The following CLASP1 variants were observed in gnomAD, a reference collection of about 807,000 sequenced individuals.
CLASP1 encodes the protein CLIP-associating protein 1.
A neutral mutation model predicts 192.3 loss-of-function variants in CLASP1; 38 were observed. That is an observed-to-expected ratio of 0.20 (90% CI 0.15 to 0.26). The LOEUF is 0.26. Among genes scored for constraint, CLASP1 ranks in the 10% least tolerant of loss-of-function variants. The pLI is 1.00. For missense variants in CLASP1, 1,433 were observed against 1,932.5 expected (o/e 0.74, Z 4.85); for synonymous variants, 691 against 712.8 (o/e 0.97, Z 0.49).
chr2:121,493,621 G>A (rs1018161271), intron 8 of CLASP1, among the ~76,000 whole-genome samples: 2 of 151,840 alleles, frequency 1.3e-5, no homozygotes, highest in Non-Finnish European at 2.9e-5. Context: ...ACAAGTATGG[G>A]CAACCAAAGC....
At chr2:121,477,732 A>C (rs1051156214) in intron 8 of CLASP1, among the ~76,000 whole-genome samples, 3 of 151,732 alleles carry the variant, frequency 2.0e-5, no homozygotes, top group African/African-American at 4.9e-5. Context: ...TTGATATTGA[A>C]TTGTTTTCAA....
intron 2 of CLASP1, among the ~76,000 whole-genome samples, chr2:121,535,140 G>A (rs571429250): frequency 1.1e-4 from 17 of 152,268 alleles, no homozygotes; most frequent in African/African-American, 1.9e-4. Context: ...TTAGCTGGGC[G>A]TGGTGGCATG....
intron 2 of CLASP1, among the ~76,000 whole-genome samples, chr2:121,531,289 T>C (rs1486356139): frequency 6.6e-6 from 1 of 152,184 alleles, no homozygotes; most frequent in Non-Finnish European, 1.5e-5. Context: ...AGTAGGTCTT[T>C]GCACCTCACA....
In CLASP1 at chr2:121,469,750, T is replaced by C. The variant is rs1042613269; in HGVS notation, c.865+58A>G. 5.2e-6 allele frequency: 8 copies of C among 1,539,928 alleles called. No individual in the cohort carries two copies. In the South Asian group the frequency reaches 1.0e-4, roughly 20 times the overall value. On this transcript the variant is annotated intron_variant, in intron 9 of 39. Coordinates refer to ENST00000263710, the Ensembl canonical transcript of CLASP1. ...GCCACCACAGGCAAGTACGTGCACC[T>C]CTGGTTTGAAAAGCTGGCATAGCTG...
intron 7 of CLASP1, among the ~76,000 whole-genome samples, chr2:121,508,562 G>A (rs554019952): frequency 6.6e-6 from 1 of 152,248 alleles, no homozygotes; most frequent in South Asian, 2.1e-4. Context: ...AAAAAAGTCA[G>A]ACTGCATAAA....
At chr2:121,359,793 T>G (rs1311546965) in intron 37 of CLASP1, among the ~76,000 whole-genome samples, 1 of 152,230 alleles carries the variant, frequency 6.6e-6, no homozygotes, top group Non-Finnish European at 1.5e-5. Context: ...ATAAAAACTC[T>G]AAATTGGTGT....
chr2:121,647,585 A>T (rs1164938753), intron 1 of CLASP1, among the ~76,000 whole-genome samples: 1 of 152,150 alleles, frequency 6.6e-6, no homozygotes, highest in Non-Finnish European at 1.5e-5. Flanking sequence ...ATAATACACC[A>T]GGCTTCAGAG....
At chr2:121,617,042 T>A (rs972052136) in intron 1 of CLASP1, among the ~76,000 whole-genome samples, 3 of 152,184 alleles carry the variant, frequency 2.0e-5, no homozygotes, top group African/African-American at 7.2e-5. Context: ...AACTCAGTAA[T>A]GCTTCAACTG....
chr2:121,515,640 A>C, intron 7 of CLASP1, 25 bp downstream of exon 7: 1 of 1,597,036 alleles, frequency 6.3e-7, no homozygotes, highest in South Asian at 1.1e-5. Flanking sequence ...GGTAGAGCAG[A>C]AGAAAGGAAA....
chr2:121,620,353 A>G (rs72956507), intron 1 of CLASP1, among the ~76,000 whole-genome samples: 36,291 of 151,880 alleles, frequency 0.24, 6,577 homozygotes, highest in African/African-American at 0.5. Context: ...TAAGGATACT[A>G]AGCTTCTTTT....
intron 2 of CLASP1, among the ~76,000 whole-genome samples, chr2:121,598,954 C>T (rs1289284946): frequency 6.6e-6 from 1 of 152,158 alleles, no homozygotes; most frequent in Non-Finnish European, 1.5e-5. Context: ...CAAACTCTGC[C>T]TCCCAGGTTC....
chr2:121,579,089 C>A lies in CLASP1; in HGVS notation c.195+26612G>T, dbSNP rs555664657. Reference sequence around the variant, plus strand: ...TTTGAAAATACAGTATTATCCATGTCCTTAGACCGTCACATCATAACAACA... The same window carrying A: ...TTTGAAAATACAGTATTATCCATGTACTTAGACCGTCACATCATAACAACA... On this transcript the variant is annotated intron_variant, in intron 2 of 39. Coordinates refer to ENST00000263710, the Ensembl canonical transcript of CLASP1. Among the ~76,000 whole-genome samples, 15 of 152,286 alleles carry A rather than the reference C, an allele frequency of 9.8e-5. 1 individual carries two copies. Among genetic ancestry groups the A allele is most frequent in the African/African-American group, 3.4e-4 (14 of 41,566 alleles).
chr2:121,561,982 T>C (rs1053834231), intron 2 of CLASP1, among the ~76,000 whole-genome samples: 11 of 152,250 alleles, frequency 7.2e-5, no homozygotes, highest in African/African-American at 2.4e-4. Context: ...GGCTCAAAAC[T>C]ACATTATGTT....
chr2:121,640,199 G>A (rs1365840043), intron 1 of CLASP1, among the ~76,000 whole-genome samples: 5 of 149,552 alleles, frequency 3.3e-5, no homozygotes, highest in Admixed American at 6.7e-5. Flanking sequence ...GGTGGGGAAC[G>A]TCACACACTA....
chr2:121,448,763 G>A (rs1219437138), intron 17 of CLASP1, among the ~76,000 whole-genome samples, 190 bp downstream of exon 17: 2 of 152,120 alleles, frequency 1.3e-5, no homozygotes, highest in Non-Finnish European at 2.9e-5. Flanking sequence ...AAAACAGTAC[G>A]GTAGAGACCA....
At chr2:121,465,142 T>C (rs1312595256) in intron 9 of CLASP1, among the ~76,000 whole-genome samples, 1 of 152,154 alleles carries the variant, frequency 6.6e-6, no homozygotes, top group African/African-American at 2.4e-5. Context: ...CCACTCCTAT[T>C]CAACACAGTG....
chr2:121,379,628 C>T (rs1056060950), intron 33 of CLASP1, among the ~76,000 whole-genome samples: 1 of 151,968 alleles, frequency 6.6e-6, no homozygotes, highest in Non-Finnish European at 1.5e-5. Flanking sequence ...AAAATAACAG[C>T]ATAGCCCATG....
intron 1 of CLASP1, among the ~76,000 whole-genome samples, chr2:121,615,845 ACCTG>A (rs1291283445): frequency 6.6e-6 from 1 of 152,086 alleles, no homozygotes; most frequent in Non-Finnish European, 1.5e-5. Context: ...AAACAAAAAA[ACCTG>A]CCTAAGGTTT....
chr2:121,478,808 A>C (rs2092129579), intron 8 of CLASP1, among the ~76,000 whole-genome samples: 1 of 58,096 alleles, frequency 1.7e-5, no homozygotes, highest in Non-Finnish European at 3.4e-5. Flanking sequence ...CACCACACAC[A>C]CACCCCACAC....
Sources: allele counts gnomAD v4.1 joint callset (sites outside exome capture counted in the v4.1 genomes callset), GRCh38; gene constraint gnomAD v4.1.1; transcripts MANE v1.5; gene names NCBI Gene and HGNC (gene_info 2026-07-23, HGNC 2026-07-21).